The following KIAA0825 variants were observed in gnomAD, a reference collection of about 807,000 sequenced individuals.
KIAA0825 encodes the protein KIAA0825.
In KIAA0825, 119 loss-of-function variants were observed where a neutral mutation model predicts 147.6. The observed-to-expected ratio is 0.81, with a 90% CI of 0.69 to 0.94. The LOEUF (loss-of-function observed/expected upper bound fraction) is 0.94, where lower values mean the gene tolerates loss of function less well. Ranked by LOEUF, KIAA0825 falls within the 40% of genes least tolerant of loss-of-function variation. KIAA0825 has a pLI of 0.00. For missense variants in KIAA0825, 1,381 were observed against 1,472.7 expected, an observed-to-expected ratio of 0.94 and a Z score of 1.02; for synonymous variants, 470 against 518.1, an observed-to-expected ratio of 0.91 and a Z score of 1.26.
intron 20 of KIAA0825, among the ~76,000 whole-genome samples, chr5:94,281,349 A>G (rs1200862712): frequency 6.6e-6 from 1 of 152,018 alleles, no homozygotes; most frequent in Non-Finnish European, 1.5e-5. Flanking sequence ...CCTCCAATCT[A>G]ATTGTCTCCC....
At chr5:94,562,997 C>A (rs949026556) in intron 2 of KIAA0825, among the ~76,000 whole-genome samples, 14 of 151,946 alleles carry the variant, frequency 9.2e-5, no homozygotes, top group Non-Finnish European at 2.1e-4. Flanking sequence ...AAATTTTACC[C>A]GTAGACACTA....
intron 20 of KIAA0825, among the ~76,000 whole-genome samples, chr5:94,303,771 A>G (rs1174517599): frequency 1.3e-5 from 2 of 151,998 alleles, no homozygotes; most frequent in Non-Finnish European, 2.9e-5. Context: ...AGCTGTGGCA[A>G]TCTCTCCATG....
At chr5:94,522,851 A>T (rs1768489414) in intron 4 of KIAA0825, among the ~76,000 whole-genome samples, 1 of 151,718 alleles carries the variant, frequency 6.6e-6, no homozygotes, top group Non-Finnish European at 1.5e-5. Flanking sequence ...GACAGATTAA[A>T]AGATAATTAA....
At chr5:94,200,321 T>C (rs1223754119) in intron 20 of KIAA0825, among the ~76,000 whole-genome samples, 1 of 152,180 alleles carries the variant, frequency 6.6e-6, no homozygotes, top group East Asian at 1.9e-4. Context: ...TAAGCCTTAG[T>C]GCTTGGCAAC....
intron 12 of KIAA0825, among the ~76,000 whole-genome samples, chr5:94,459,956 A>G (rs538678798): frequency 6.6e-6 from 1 of 152,232 alleles, no homozygotes; most frequent in African/African-American, 2.4e-5. Context: ...TGTGGCAAAT[A>G]TTACATCTTG....
At chr5:94,282,934 G>A (rs1161746531) in intron 20 of KIAA0825, among the ~76,000 whole-genome samples, 1 of 152,006 alleles carries the variant, frequency 6.6e-6, no homozygotes, top group African/African-American at 2.4e-5. Context: ...TCTGAGGGTG[G>A]AGAGAGGGCG....
At chr5:94,564,193 C>T (rs1222554720) in intron 2 of KIAA0825, among the ~76,000 whole-genome samples, 2 of 147,200 alleles carry the variant, frequency 1.4e-5, no homozygotes, top group Non-Finnish European at 3.0e-5. Context: ...TTTACCAGCT[C>T]TTTTTCTTTC....
At chr5:94,334,505 C>T (rs978839672) in intron 20 of KIAA0825, among the ~76,000 whole-genome samples, 14 of 152,170 alleles carry the variant, frequency 9.2e-5, no homozygotes, top group South Asian at 2.1e-4. Flanking sequence ...TTTTTTGAGA[C>T]GAAGTCTCAT....
At chr5:94,610,433 A>C (rs1788489906) in intron 1 of KIAA0825, among the ~76,000 whole-genome samples, 1 of 149,382 alleles carries the variant, frequency 6.7e-6, no homozygotes, top group Non-Finnish European at 1.5e-5. Flanking sequence ...TCTCAAAAAA[A>C]AAAAAAAGAA....
At chr5:94,531,515 A>C (rs73773680) in intron 3 of KIAA0825, among the ~76,000 whole-genome samples, 3,057 of 152,336 alleles carry the variant, frequency 0.02, 105 homozygotes, top group African/African-American at 0.069. Context: ...AGTTTAGGCT[A>C]CTGCGCTGCT....
intron 20 of KIAA0825, among the ~76,000 whole-genome samples, chr5:94,205,481 T>C (rs59281012): frequency 0.013 from 1,965 of 151,528 alleles, 42 homozygotes; most frequent in African/African-American, 0.045. Flanking sequence ...TTAGTAGAGA[T>C]GGGGTTTCAC....
chr5:94,191,573 A>G (rs943584236), intron 20 of KIAA0825, among the ~76,000 whole-genome samples: 2 of 152,234 alleles, frequency 1.3e-5, no homozygotes, highest in Non-Finnish European at 2.9e-5. Context: ...CCATATTTAA[A>G]TTAAGTTTCT....
At chr5:94,553,816 G>A (rs898134805) in intron 2 of KIAA0825, among the ~76,000 whole-genome samples, 1 of 151,702 alleles carries the variant, frequency 6.6e-6, no homozygotes, top group Non-Finnish European at 1.5e-5. Context: ...TAAAAATGAG[G>A]CAGGTAGATT....
At chr5:94,542,549 G>A (rs770925474) in intron 2 of KIAA0825, among the ~76,000 whole-genome samples, 161 of 152,288 alleles carry the variant, frequency 1.1e-3, no homozygotes, top group African/African-American at 3.7e-3. Context: ...GCTCATGCCC[G>A]TAGTCCCAGC....
chr5:94,564,537 AGTGTGTGTGTGT>A (rs56256662), intron 2 of KIAA0825, among the ~76,000 whole-genome samples: 4,039 of 32,864 alleles, frequency 0.12, 691 homozygotes, highest in African/African-American at 0.28. Flanking sequence ...CTTATTTTTG[AGTGTGTGTGTGT>A]GTGTGTGTGT....
rs1778400072 is a variant in KIAA0825, at chr5:94,301,462, CTA to C, written c.3710+82904_3710+82905del. Among the ~76,000 whole-genome samples the C allele has an allele frequency of 4.0e-5, 6 of 151,892 alleles. No homozygotes were observed. In the South Asian group the frequency reaches 1.2e-3, roughly 31 times the overall value. ...CCTAACAAACATTGCTGATTACCTG[CTA>C]TACAAGGTGGTGTTCCTAGCAGTAT... On this transcript the variant is annotated intron_variant, in intron 20 of 20. Coordinates refer to ENST00000682413, the MANE Select transcript of KIAA0825 (RefSeq NM_001145678.3).
At chr5:94,610,786 A>AAT (rs1788592200) in intron 1 of KIAA0825, among the ~76,000 whole-genome samples, 4 of 113,678 alleles carry the variant, frequency 3.5e-5, no homozygotes, top group South Asian at 2.6e-4. Flanking sequence ...AAAAAAAAAA[A>AAT]GTATATATAT....
intron 20 of KIAA0825, among the ~76,000 whole-genome samples, chr5:94,338,535 T>C (rs1317641499): frequency 6.6e-6 from 1 of 152,144 alleles, no homozygotes; most frequent in Non-Finnish European, 1.5e-5. Context: ...TCTTGTAAGA[T>C]TATAATAACA....
At chr5:94,423,486 A>C (rs188664) in intron 14 of KIAA0825, among the ~76,000 whole-genome samples, 1 of 152,198 alleles carries the variant, frequency 6.6e-6, no homozygotes, top group Non-Finnish European at 1.5e-5. Flanking sequence ...CCACCAACCC[A>C]CCAGGAGACT....
Sources: allele counts gnomAD v4.1 joint callset (sites outside exome capture counted in the v4.1 genomes callset), GRCh38; gene constraint gnomAD v4.1.1; transcripts MANE v1.5; gene names NCBI Gene and HGNC (gene_info 2026-07-23, HGNC 2026-07-21).